Variants in ACO1 observed in about 807,000 individuals in gnomAD.
ACO1 encodes the protein aconitase 1, also known as cytoplasmic aconitate hydratase.
In ACO1, 78 loss-of-function variants were observed where a neutral mutation model predicts 105.1. The observed-to-expected ratio is 0.74, with a 90% CI of 0.62 to 0.90. ACO1 has a LOEUF of 0.90. ACO1 is among the 40% of genes least tolerant of loss of function. The pLI is 0.00. For missense variants in ACO1, 965 were observed against 1,111.1 expected (o/e 0.87, Z 1.87); for synonymous variants, 364 against 397.4 (o/e 0.92, Z 1.00).
In ACO1 at chr9:32,418,030, AG is replaced by A. The variant is rs1821888088; in HGVS notation, c.405-96del. 3 of 1,001,966 alleles carry A rather than the reference AG, an allele frequency of 3.0e-6. No individual in the cohort carries two copies. The East Asian group carries it at 7.6e-5, about 25-fold the overall frequency. 62.1% of individuals were successfully genotyped at this position (1,001,966 alleles called of 1,614,324 possible). A position where few individuals can be genotyped will look rare whatever the true frequency, so the allele number is the denominator to read the frequency against. ...AATTCATATTATCACTCAGCAAGCA[AG>A]GAGATGCAATTCCATTTTGTTTCTT... On this transcript the variant is annotated intron_variant, in intron 4 of 20. Transcript: ENST00000309951.
intron 1 of ACO1, among the ~76,000 whole-genome samples, chr9:32,388,581 G>A (rs141788107): frequency 1.3e-4 from 20 of 151,496 alleles, no homozygotes; most frequent in East Asian, 7.7e-4. Flanking sequence ...AGAGTACACT[G>A]TGTGTGTATA....
intron 4 of ACO1, among the ~76,000 whole-genome samples, chr9:32,416,711 G>T (rs1289446107): frequency 1.3e-5 from 2 of 152,196 alleles, no homozygotes; most frequent in African/African-American, 4.8e-5. Context: ...GGCAGGCTCT[G>T]GGGGAGGGGA....
chr9:32,426,132 T>G, intron 11 of ACO1, 135 bp downstream of exon 11: 1 of 870,208 alleles, frequency 1.1e-6, no homozygotes, highest in Non-Finnish European at 1.7e-6. Context: ...AGATATTTAT[T>G]GGCCCATAAA....
chr9:32,407,441 G>T lies in ACO1; in HGVS notation c.266+12G>T. 2.5e-6 allele frequency: 4 copies of T among 1,607,148 alleles called. No individual in the cohort carries two copies. Among genetic ancestry groups the T allele is most frequent in the Non-Finnish European group, 3.4e-6 (4 of 1,174,904 alleles). ...CTGCAGGACTTTACGTGAGCCTAAT[G>T]TCACTTCACTCTCCTTTGCCTCCCT... On this transcript the variant is annotated intron_variant, in intron 3 of 20. Coordinates refer to ENST00000309951, the MANE Select transcript of ACO1 (RefSeq NM_002197.3).
At chr9:32,407,168 T>C (rs1821629673) in intron 2 of ACO1, 93 bp from the exon 3 acceptor site, 1 of 1,130,300 alleles carries the variant, frequency 8.8e-7, no homozygotes, top group Non-Finnish European at 1.3e-6. Context: ...AATAGTCTGA[T>C]GCCTCATATC....
chr9:32,392,209 G>A (rs1013329329), intron 1 of ACO1, among the ~76,000 whole-genome samples: 2 of 152,108 alleles, frequency 1.3e-5, no homozygotes, highest in Non-Finnish European at 2.9e-5. Flanking sequence ...GATATCACTT[G>A]TGCAGCCTGT....
chr9:32,447,652 GT>G (rs1464615700), intron 19 of ACO1, among the ~76,000 whole-genome samples: 1 of 152,164 alleles, frequency 6.6e-6, no homozygotes, highest in Non-Finnish European at 1.5e-5. Flanking sequence ...AGCCATTCTG[GT>G]TTTCGGAATG....
intron 4 of ACO1, among the ~76,000 whole-genome samples, chr9:32,411,494 A>G (rs1025059579): frequency 6.6e-6 from 1 of 152,224 alleles, no homozygotes; most frequent in Non-Finnish European, 1.5e-5. Context: ...CTTGAAAAAT[A>G]TGGCAAAGTG....
intron 6 of ACO1, among the ~76,000 whole-genome samples, chr9:32,418,745 C>T (rs1272197391): frequency 1.3e-5 from 2 of 152,106 alleles, no homozygotes; most frequent in African/African-American, 4.8e-5. Flanking sequence ...TTAGCATACA[C>T]AAAAATCACC....
intron 1 of ACO1, among the ~76,000 whole-genome samples, chr9:32,395,488 A>T (rs1183529957): frequency 6.6e-6 from 1 of 151,912 alleles, no homozygotes; most frequent in Non-Finnish European, 1.5e-5. Context: ...AAAACAAACC[A>T]AAAAACCAAA....
rs1454564650 is a variant in ACO1, at chr9:32,450,412, T to G, written c.*301T>G. On this transcript the variant is annotated 3_prime_UTR_variant, in exon 21 of 21. Coordinates refer to ENST00000309951, the MANE Select transcript of ACO1 (RefSeq NM_002197.3). ...AAGTTACTGATCACAGGACGTTGCT[T>G]TTTCACTGTTTCCTATTAATCTTCA... 5 of 412,476 alleles carry G rather than the reference T, an allele frequency of 1.2e-5. No individual in the cohort carries two copies. The highest frequency in any genetic ancestry group is 1.4e-5 in the Non-Finnish European group (3 of 216,870). The allele number at this position is 412,476 out of a possible 1,614,324, so 25.6% of individuals were successfully genotyped here. A position where few individuals can be genotyped will look rare whatever the true frequency, so the allele number is the denominator to read the frequency against.
At chr9:32,401,657 T>G (rs960545806) in intron 1 of ACO1, among the ~76,000 whole-genome samples, 1 of 152,236 alleles carries the variant, frequency 6.6e-6, no homozygotes, top group Non-Finnish European at 1.5e-5. Flanking sequence ...TGTCCTCAAT[T>G]GAGCCAAAGG....
At chr9:32,432,904 G>A (rs1822270993) in intron 15 of ACO1, among the ~76,000 whole-genome samples, 1 of 152,110 alleles carries the variant, frequency 6.6e-6, no homozygotes, top group Non-Finnish European at 1.5e-5. Flanking sequence ...CTGGAGGAGG[G>A]TCCACTTAGG....
chr9:32,445,235 C>T (rs1419851541), intron 19 of ACO1, among the ~76,000 whole-genome samples: 1 of 152,194 alleles, frequency 6.6e-6, no homozygotes. Flanking sequence ...GTGAATCCAT[C>T]TGGTCCTGGG....
chr9:32,386,949 G>C lies in ACO1; in HGVS notation c.-23+2214G>C, dbSNP rs1042172355. The stretch of plus-strand genomic sequence containing the variant: ...GTTAATTGAGATAGTCTATTATATA[G>C]TCAGAGTGTGTACATGAAAGCTGGT... On this transcript the variant is annotated intron_variant, in intron 1 of 20. Coordinates refer to ENST00000309951, the MANE Select transcript of ACO1 (RefSeq NM_002197.3). Among the ~76,000 whole-genome samples the C allele has an allele frequency of 6.6e-5, 10 of 152,162 alleles. 1 individual carries two copies. Among genetic ancestry groups the C allele is most frequent in the African/African-American group, 1.9e-4 (8 of 41,428 alleles).
At chr9:32,391,224 G>A (rs1275251805) in intron 1 of ACO1, among the ~76,000 whole-genome samples, 1 of 152,184 alleles carries the variant, frequency 6.6e-6, no homozygotes, top group African/African-American at 2.4e-5. Flanking sequence ...AATCTGCAAA[G>A]AAGTAAACTA....
Position 32,424,668 on chromosome 9 carries a change from AG to A in ACO1, c.1188+7del. On this transcript the variant is annotated splice_donor_region_variant and intron_variant, in intron 10 of 20. Coordinates refer to ENST00000309951, the MANE Select transcript of ACO1 (RefSeq NM_002197.3). ...TTGAGAGCTGCCTTGGAGCCAAGGT[AG>A]GGGCCTGCGGGAAGAGGTTGAATCC... 1 of 1,609,010 alleles carries A rather than the reference AG, an allele frequency of 6.2e-7. No homozygotes were observed. The highest frequency in any genetic ancestry group is 8.5e-7 in the Non-Finnish European group (1 of 1,175,964).
At chr9:32,418,934 A>T in intron 6 of ACO1, 104 bp from the exon 7 acceptor site, 1 of 1,323,702 alleles carries the variant, frequency 7.6e-7, no homozygotes, top group Middle Eastern at 2.0e-4. Flanking sequence ...CACCAATTAA[A>T]CGTTGTAACT....
intron 1 of ACO1, among the ~76,000 whole-genome samples, chr9:32,404,080 C>T (rs1355795467): frequency 6.6e-6 from 1 of 152,078 alleles, no homozygotes; most frequent in Non-Finnish European, 1.5e-5. Context: ...ATTTATAGGG[C>T]TTTCCCCTCT....
Sources: allele counts gnomAD v4.1 joint callset (sites outside exome capture counted in the v4.1 genomes callset), GRCh38; gene constraint gnomAD v4.1.1; transcripts MANE v1.5; gene names NCBI Gene and HGNC (gene_info 2026-07-23, HGNC 2026-07-21).